Variants in GALNTL6 observed in about 807,000 individuals in gnomAD.
The protein encoded by GALNTL6 is polypeptide N-acetylgalactosaminyltransferase-like 6.
GALNTL6 carries 46 observed loss-of-function variants against 73.7 expected under a neutral mutation model. That is an observed-to-expected ratio of 0.62 (90% confidence interval 0.49 to 0.80). The LOEUF (loss-of-function observed/expected upper bound fraction) is 0.80. Ranked by LOEUF, GALNTL6 falls within the 30% of genes least tolerant of loss-of-function variation. GALNTL6 has a pLI of 0.00. For synonymous variants in GALNTL6, 259 were observed against 263.7 expected (o/e 0.98, Z 0.17); for missense variants, 604 against 755.0 (o/e 0.80, Z 2.34).
chr4:172,838,060 A>G (rs922264795), intron 7 of GALNTL6, among the ~76,000 whole-genome samples: 5 of 151,820 alleles, frequency 3.3e-5, no homozygotes, highest in African/African-American at 1.2e-4. Context: ...AATGTAGTGC[A>G]TATTTGTCAG....
chr4:172,801,387 T>C (rs907776768), intron 5 of GALNTL6, among the ~76,000 whole-genome samples: 1 of 152,230 alleles, frequency 6.6e-6, no homozygotes, highest in Non-Finnish European at 1.5e-5. Context: ...ATCTTTTAAC[T>C]ATAGCTCTCT....
At chr4:172,572,706 T>A (rs1736808871) in intron 5 of GALNTL6, among the ~76,000 whole-genome samples, 1 of 152,200 alleles carries the variant, frequency 6.6e-6, no homozygotes, top group Non-Finnish European at 1.5e-5. Flanking sequence ...TGTTTACTTG[T>A]ACATGTTGTT....
At chr4:172,404,976 C>G (rs372166735) in intron 5 of GALNTL6, among the ~76,000 whole-genome samples, 16 of 152,142 alleles carry the variant, frequency 1.1e-4, no homozygotes, top group South Asian at 6.2e-4. Context: ...GGAAAATGCC[C>G]AAGCAGGGCT....
At chr4:171,991,755 T>TATATATATAC (rs371828556) in intron 2 of GALNTL6, among the ~76,000 whole-genome samples, 4 of 140,700 alleles carry the variant, frequency 2.8e-5, no homozygotes, top group East Asian at 4.2e-4. Context: ...TATATATATA[T>TATATATATAC]ACACATATAT....
chr4:172,783,295 C>T (rs1739470514), intron 5 of GALNTL6, among the ~76,000 whole-genome samples: 1 of 149,534 alleles, frequency 6.7e-6, no homozygotes, highest in Admixed American at 6.7e-5. Flanking sequence ...AGTTATCCTT[C>T]AATTGATCTA....
At chr4:171,857,773 C>T (rs943024197) in intron 2 of GALNTL6, among the ~76,000 whole-genome samples, 3 of 152,174 alleles carry the variant, frequency 2.0e-5, no homozygotes, top group Non-Finnish European at 4.4e-5. Flanking sequence ...GTAAATTGCA[C>T]ATGAGCTGCT....
rs577640435 is a variant in GALNTL6 at position 172,009,713 on chromosome 4, A to G, written c.138+194995A>G. On this transcript the variant is annotated intron_variant, in intron 2 of 12. Coordinates refer to ENST00000506823, the MANE Select transcript of GALNTL6 (RefSeq NM_001034845.3). ...CACTATTGGTTTCTTTTGCTTTACC[A>G]TGATTTTTTTAAGTCCTGGGCAGGC... 9.2e-5 allele frequency among the ~76,000 whole-genome samples: 14 copies of G among 152,112 alleles called. No individual in the cohort carries two copies. In the South Asian group the frequency reaches 2.3e-3, roughly 25 times the overall value.
At chr4:172,785,206 AG>A (rs1423501507) in intron 5 of GALNTL6, among the ~76,000 whole-genome samples, 1 of 152,216 alleles carries the variant, frequency 6.6e-6, no homozygotes, top group African/African-American at 2.4e-5. Context: ...AATGATAAAT[AG>A]GAAGAGATGA....
At chr4:172,926,480 G>A (rs979444807) in intron 8 of GALNTL6, among the ~76,000 whole-genome samples, 2 of 152,138 alleles carry the variant, frequency 1.3e-5, no homozygotes, top group African/African-American at 4.8e-5. Context: ...TATTTTACAA[G>A]ATAACATTAA....
At chr4:172,794,277 C>G (rs1740149112) in intron 5 of GALNTL6, among the ~76,000 whole-genome samples, 2 of 152,124 alleles carry the variant, frequency 1.3e-5, no homozygotes, top group Non-Finnish European at 2.9e-5. Context: ...TGAAAGGGAA[C>G]CATTACTCAG....
intron 2 of GALNTL6, among the ~76,000 whole-genome samples, chr4:172,032,452 T>G (rs770889517): frequency 5.3e-5 from 8 of 152,098 alleles, no homozygotes; most frequent in Non-Finnish European, 1.2e-4. Flanking sequence ...TATCTTAAAA[T>G]TAATATGTAA....
rs546682747 is a variant in GALNTL6, at chr4:173,010,574, T to G, written c.1488+1280T>G. Among the ~76,000 whole-genome samples, 13 of 150,946 alleles carry G rather than the reference T, an allele frequency of 8.6e-5. 1 individual carries two copies. The East Asian group carries it at 2.3e-3, about 27-fold the overall frequency. On this transcript the variant is annotated intron_variant, in intron 11 of 12. Transcript: ENST00000506823. The stretch of plus-strand genomic sequence containing the variant: ...ACATGATAGCTCAATTTTTAGTGTG[T>G]TTTTTTTGTTGTTTTTTTTGTTTTG...
intron 6 of GALNTL6, among the ~76,000 whole-genome samples, chr4:172,812,606 C>CT (rs1741372740): frequency 6.8e-6 from 1 of 147,632 alleles, no homozygotes; most frequent in African/African-American, 2.5e-5. Flanking sequence ...GGTGTTGGAA[C>CT]TGAAAAAAAA....
At chr4:171,849,668 A>G (rs1480508438) in intron 2 of GALNTL6, among the ~76,000 whole-genome samples, 2 of 152,206 alleles carry the variant, frequency 1.3e-5, no homozygotes, top group African/African-American at 4.8e-5. Flanking sequence ...ATTTATCTGT[A>G]TACCTATTAT....
chr4:172,612,470 C>T (rs1035308642), intron 5 of GALNTL6, among the ~76,000 whole-genome samples: 1 of 152,174 alleles, frequency 6.6e-6, no homozygotes. Flanking sequence ...TCACTAGTTA[C>T]AGCAGCAGAG....
intron 12 of GALNTL6, among the ~76,000 whole-genome samples, chr4:173,028,148 T>C (rs1343024390): frequency 6.6e-6 from 1 of 152,154 alleles, no homozygotes; most frequent in Non-Finnish European, 1.5e-5. Context: ...TTTGTGGAAA[T>C]TGATAACCTG....
At chr4:172,341,004 T>C (rs1362967102) in intron 4 of GALNTL6, among the ~76,000 whole-genome samples, 2 of 152,150 alleles carry the variant, frequency 1.3e-5, no homozygotes, top group Non-Finnish European at 2.9e-5. Flanking sequence ...GACTCTTGGC[T>C]CCATTTTCTT....
intron 2 of GALNTL6, among the ~76,000 whole-genome samples, chr4:171,936,399 GGTT>G (rs1738346215): frequency 6.6e-6 from 1 of 152,144 alleles, no homozygotes; most frequent in Non-Finnish European, 1.5e-5. Context: ...TTTCCTCTCA[GGTT>G]GTTGTAATTA....
intron 5 of GALNTL6, among the ~76,000 whole-genome samples, chr4:172,500,761 T>C (rs926655367): frequency 1.3e-5 from 2 of 152,098 alleles, no homozygotes; most frequent in Non-Finnish European, 2.9e-5. Context: ...AAAGTACATC[T>C]GCATGAGGCA....
Sources: allele counts gnomAD v4.1 joint callset (sites outside exome capture counted in the v4.1 genomes callset), GRCh38; gene constraint gnomAD v4.1.1; transcripts MANE v1.5; gene names NCBI Gene and HGNC (gene_info 2026-07-23, HGNC 2026-07-21).